GNB1: variants seen among roughly 807,000 people sequenced by gnomAD.
GNB1 encodes guanine nucleotide-binding protein G(I)/G(S)/G(T) subunit beta-1.
A neutral mutation model predicts 42.9 loss-of-function variants in GNB1; 2 were observed. The ratio of observed to expected loss-of-function variants is 0.05; its 90% CI spans 0.02 to 0.15. The LOEUF (loss-of-function observed/expected upper bound fraction) is 0.15. Among genes scored for constraint, GNB1 ranks in the 10% least tolerant of loss-of-function variants. The probability of loss-of-function intolerance (pLI) is 1.00; values close to 1 mark genes in which losing one functional copy is unlikely to be tolerated. For missense variants in GNB1, 193 were observed against 462.2 expected (o/e 0.42, Z 5.34); for synonymous variants, 183 against 174.7 (o/e 1.05, Z -0.38).
intron 1 of GNB1, among the ~76,000 whole-genome samples, chr1:1,876,684 G>A (rs1218156839): frequency 6.6e-6 from 1 of 152,184 alleles, no homozygotes; most frequent in Non-Finnish European, 1.5e-5. Flanking sequence ...AAGCATTTCA[G>A]GAATGAAGGC....
At chr1:1,855,158 CA>C (rs35111543) in intron 1 of GNB1, among the ~76,000 whole-genome samples, 106,911 of 133,030 alleles carry the variant, frequency 0.8, 44,785 homozygotes, top group Non-Finnish European at 0.94. Context: ...GACCGTATCT[CA>C]AAAAAAAAAA....
At chr1:1,796,279 G>A (rs1429566211) in intron 7 of GNB1, among the ~76,000 whole-genome samples, 5 of 152,200 alleles carry the variant, frequency 3.3e-5, no homozygotes, top group Non-Finnish European at 5.9e-5. Context: ...TACTCCATGA[G>A]GCCCAGTCTG....
At chr1:1,812,045 G>A (rs1158540249) in intron 5 of GNB1, among the ~76,000 whole-genome samples, 2 of 151,302 alleles carry the variant, frequency 1.3e-5, no homozygotes, top group African/African-American at 4.9e-5. Flanking sequence ...CAGGCTGGGT[G>A]ACAGAGCGAG....
At chr1:1,841,192 A>G (rs531478669) in intron 1 of GNB1, among the ~76,000 whole-genome samples, 1 of 151,608 alleles carries the variant, frequency 6.6e-6, no homozygotes, top group Non-Finnish European at 1.5e-5. Flanking sequence ...ACATGGCCAC[A>G]TTTATTAATT....
Position 1,880,254 on chromosome 1 carries a change from TTTTTA to T in GNB1, c.-96+10561_-96+10565del, listed in dbSNP as rs563670333. On this transcript the variant is annotated intron_variant, in intron 1 of 11. Coordinates refer to ENST00000378609, the MANE Select transcript of GNB1 (RefSeq NM_002074.5). ...AGCCAAGAACAGTATTTCTATAGAA[TTTTTA>T]TTTTATTTTTATATGTCAACACAAT... Among the ~76,000 whole-genome samples the T allele has an allele frequency of 5.3e-5, 8 of 152,286 alleles. 1 individual carries two copies. In the East Asian group the frequency reaches 1.4e-3, roughly 26 times the overall value.
intron 7 of GNB1, among the ~76,000 whole-genome samples, chr1:1,803,090 C>A (rs1646647455): frequency 1.3e-5 from 2 of 152,234 alleles, no homozygotes; most frequent in African/African-American, 4.8e-5. Flanking sequence ...GAACTGATTT[C>A]TTTGGCTGCA....
chr1:1,840,713 C>CGGAG (rs891673169), intron 1 of GNB1, among the ~76,000 whole-genome samples: 10 of 152,224 alleles, frequency 6.6e-5, no homozygotes, highest in Admixed American at 2.0e-4. Flanking sequence ...CACTTCCAAT[C>CGGAG]CCTCCCTCTG....
intron 1 of GNB1, among the ~76,000 whole-genome samples, chr1:1,871,269 G>A (rs1649232872): frequency 6.6e-6 from 1 of 152,098 alleles, no homozygotes. Context: ...AGACCAGCGT[G>A]ACCAACATGG....
At chr1:1,825,944 T>C (rs937407329) in intron 2 of GNB1, among the ~76,000 whole-genome samples, 3 of 152,132 alleles carry the variant, frequency 2.0e-5, no homozygotes, top group Admixed American at 2.0e-4. Context: ...CATCAGAACT[T>C]ATACAATGGC....
chr1:1,822,950 T>C (rs767584792), intron 3 of GNB1, among the ~76,000 whole-genome samples: 9 of 152,078 alleles, frequency 5.9e-5, no homozygotes, highest in Non-Finnish European at 1.2e-4. Flanking sequence ...ACTTTAAAAT[T>C]CTGATTTCTA....
rs374059317 is a variant in GNB1, at chr1:1,855,746, T to C, written c.-95-16508A>G. On this transcript the variant is annotated intron_variant, in intron 1 of 11. Transcript: ENST00000378609. ...AAACTCCCATAAAAGGAAAAAACAC[T>C]AAGTCACTGTTTTCCAGTGAGGAAA... is the stretch of plus-strand genomic sequence containing the variant. 3.9e-4 allele frequency among the ~76,000 whole-genome samples: 60 copies of C among 151,996 alleles called. No individual in the cohort carries two copies. In the East Asian group the frequency reaches 0.011, roughly 27 times the overall value.
chr1:1,817,877 T>A lies in GNB1; in HGVS notation c.58-2A>T, dbSNP rs111709693. 6.2e-7 allele frequency: 1 copy of A among 1,609,342 alleles called. No homozygotes were observed. Among genetic ancestry groups the A allele is most frequent in the Non-Finnish European group, 8.5e-7 (1 of 1,175,678 alleles). ...ATCTGCACATGCTTTCCTGGCGTCC[T>A]GGGAAGCAAGGACAGTGAGAAATTA... On this transcript the variant is annotated splice_acceptor_variant, in intron 3 of 11. Coordinates refer to ENST00000378609, the MANE Select transcript of GNB1 (RefSeq NM_002074.5). LOFTEE classifies it high-confidence loss of function.
intron 1 of GNB1, among the ~76,000 whole-genome samples, chr1:1,876,893 C>A (rs762910457): frequency 1.3e-5 from 2 of 152,102 alleles, no homozygotes; most frequent in African/African-American, 4.8e-5. Flanking sequence ...ATGTCCAGCA[C>A]GTGGATTCAG....
At chr1:1,890,055 C>A (rs908373435) in intron 1 of GNB1, among the ~76,000 whole-genome samples, 4 of 152,150 alleles carry the variant, frequency 2.6e-5, no homozygotes, top group Admixed American at 2.0e-4. Context: ...GCCATCTTGG[C>A]GCGGCCACCG....
chr1:1,804,905 A>G (rs1479012098), intron 6 of GNB1, among the ~76,000 whole-genome samples: 3 of 152,354 alleles, frequency 2.0e-5, no homozygotes, highest in Non-Finnish European at 1.5e-5. Flanking sequence ...CACGCCTGTA[A>G]TCCCAGCACT....
At chr1:1,823,734 T>C (rs960661828) in intron 3 of GNB1, among the ~76,000 whole-genome samples, 6 of 152,232 alleles carry the variant, frequency 3.9e-5, no homozygotes, top group South Asian at 2.1e-4. Context: ...CAGGAACAAG[T>C]TGCCTAAAAT....
intron 1 of GNB1, among the ~76,000 whole-genome samples, chr1:1,852,121 G>A (rs1648018368): frequency 6.6e-6 from 1 of 151,908 alleles, no homozygotes; most frequent in Non-Finnish European, 1.5e-5. Flanking sequence ...TATAAAAAGA[G>A]ATGCCAAACG....
chr1:1,859,627 A>C (rs1648505186), intron 1 of GNB1, among the ~76,000 whole-genome samples: 1 of 151,632 alleles, frequency 6.6e-6, no homozygotes. Flanking sequence ...GGAGGAAAGA[A>C]AATGTAAAGA....
chr1:1,849,752 C>T (rs530171418), intron 1 of GNB1, among the ~76,000 whole-genome samples: 23 of 152,186 alleles, frequency 1.5e-4, no homozygotes, highest in South Asian at 2.1e-4. Flanking sequence ...CTTTGACTTT[C>T]AGCAGTTTGA....
Sources: allele counts gnomAD v4.1 joint callset (sites outside exome capture counted in the v4.1 genomes callset), GRCh38; gene constraint gnomAD v4.1.1; transcripts MANE v1.5; gene names NCBI Gene and HGNC (gene_info 2026-07-23, HGNC 2026-07-21).